DNM3: variants seen among roughly 807,000 people sequenced by gnomAD.
The protein encoded by DNM3 is dynamin 3, also known as dynamin-3.
Under a neutral mutation model 101.6 loss-of-function variants are expected in DNM3, and 47 were observed. The observed-to-expected ratio is 0.46, with a 90% confidence interval of 0.37 to 0.59. The LOEUF is 0.59. Ranked by LOEUF, DNM3 falls within the 20% of genes least tolerant of loss-of-function variation. DNM3 has a pLI of 0.00. For synonymous variants in DNM3, 385 were observed against 387.9 expected (o/e 0.99, Z 0.09); for missense variants, 849 against 1,085.7 (o/e 0.78, Z 3.06).
chr1:172,079,210 T>C (rs2052930361), intron 11 of DNM3, among the ~76,000 whole-genome samples: 1 of 152,184 alleles, frequency 6.6e-6, no homozygotes, highest in East Asian at 1.9e-4. Flanking sequence ...TCCTGAAGAG[T>C]GTTTTCCAAC....
intron 17 of DNM3, among the ~76,000 whole-genome samples, chr1:172,369,352 C>A (rs1023165274): frequency 6.6e-6 from 1 of 151,802 alleles, no homozygotes; most frequent in East Asian, 1.9e-4. Context: ...TATATCACAT[C>A]AACAGAATGA....
intron 17 of DNM3, among the ~76,000 whole-genome samples, chr1:172,356,807 T>C (rs1214861661): frequency 6.6e-6 from 1 of 151,944 alleles, no homozygotes; most frequent in Admixed American, 6.6e-5. Flanking sequence ...TTATACTATC[T>C]CTCAATAAAT....
intron 12 of DNM3, among the ~76,000 whole-genome samples, chr1:172,085,974 A>T (rs1393043321): frequency 1.3e-5 from 2 of 152,186 alleles, no homozygotes; most frequent in Non-Finnish European, 2.9e-5. Context: ...TAGGAATTAA[A>T]TGCTTGGTTG....
intron 10 of DNM3, among the ~76,000 whole-genome samples, chr1:172,059,444 C>G (rs1177835948): frequency 1.8e-5 from 2 of 114,178 alleles, no homozygotes; most frequent in East Asian, 2.8e-4. Context: ...CAAAAATCCT[C>G]AATAAAATAC....
At chr1:172,340,724 G>A (rs2066647671) in intron 17 of DNM3, among the ~76,000 whole-genome samples, 1 of 152,094 alleles carries the variant, frequency 6.6e-6, no homozygotes, top group South Asian at 2.1e-4. Context: ...TAGACTATGG[G>A]GTTTTCAGAA....
At chr1:171,904,739 G>A (rs148640441) in intron 1 of DNM3, among the ~76,000 whole-genome samples, 4 of 152,214 alleles carry the variant, frequency 2.6e-5, no homozygotes, top group African/African-American at 9.6e-5. Context: ...ATGGCTATGT[G>A]GGTGTTGGGG....
At chr1:172,317,517 G>C (rs1357835686) in intron 16 of DNM3, among the ~76,000 whole-genome samples, 1 of 152,076 alleles carries the variant, frequency 6.6e-6, no homozygotes, top group Non-Finnish European at 1.5e-5. Flanking sequence ...AAAAAAGAGA[G>C]AAGAATCAAA....
At chr1:172,145,837 A>C (rs1322269697) in intron 14 of DNM3, among the ~76,000 whole-genome samples, 1 of 152,168 alleles carries the variant, frequency 6.6e-6, no homozygotes, top group African/African-American at 2.4e-5. Flanking sequence ...ATCTCTGGTT[A>C]ACTAAATCTG....
At chr1:172,267,034 G>A (rs959889594) in intron 15 of DNM3, among the ~76,000 whole-genome samples, 10 of 152,168 alleles carry the variant, frequency 6.6e-5, no homozygotes, top group Non-Finnish European at 1.3e-4. Flanking sequence ...AGTGTTACTA[G>A]GGGGATCACC....
intron 14 of DNM3, among the ~76,000 whole-genome samples, chr1:172,161,964 G>A (rs949579254): frequency 1.3e-5 from 2 of 151,932 alleles, no homozygotes; most frequent in African/African-American, 4.8e-5. Flanking sequence ...TGGCTGTCTC[G>A]TTTTCTAAAA....
chr1:172,120,782 T>A (rs1240414815), intron 13 of DNM3, among the ~76,000 whole-genome samples: 1 of 152,236 alleles, frequency 6.6e-6, no homozygotes, highest in Non-Finnish European at 1.5e-5. Context: ...TACATTTATC[T>A]GTGTGAGACT....
chr1:172,133,027 GC>G, intron 14 of DNM3: 1 of 1,503,996 alleles, frequency 6.6e-7, no homozygotes, highest in Non-Finnish European at 8.9e-7. Context: ...TCCCAGAGAT[GC>G]CTGGAGTTGT....
At position 172,362,394 on chromosome 1, in the gene DNM3, G is replaced by C; in HGVS notation, c.1894-16624G>C. Reference sequence around the variant, plus strand: ...GGCAAAAGGGCATTCAGATTCAAAGGGGCAACATGGCTAAAGGCACCAGGT... The same window carrying C: ...GGCAAAAGGGCATTCAGATTCAAAGCGGCAACATGGCTAAAGGCACCAGGT... On this transcript the variant is annotated intron_variant, in intron 17 of 20. Coordinates refer to ENST00000627582, the MANE Select transcript of DNM3 (RefSeq NM_015569.5). Among the ~76,000 whole-genome samples the C allele has an allele frequency of 1.3e-5, 2 of 152,006 alleles. 1 individual carries two copies. Among genetic ancestry groups the C allele is most frequent in the Middle Eastern group, 6.8e-3 (2 of 294 alleles).
At chr1:171,880,427 G>A (rs2036164560) in intron 1 of DNM3, among the ~76,000 whole-genome samples, 1 of 152,080 alleles carries the variant, frequency 6.6e-6, no homozygotes. Flanking sequence ...TTGAAATTAA[G>A]CTTTTTTCCA....
intron 13 of DNM3, among the ~76,000 whole-genome samples, chr1:172,113,620 C>CAAAAAAAAAAAAAAAA (rs34129992): frequency 1.9e-5 from 1 of 52,356 alleles, no homozygotes; most frequent in African/African-American, 6.3e-5. Context: ...AACTCTGTCT[C>CAAAAAAAAAAAAAAAA]AAAAAAAAAA....
chr1:172,241,160 C>G (rs1209261263), intron 14 of DNM3, among the ~76,000 whole-genome samples: 1 of 151,824 alleles, frequency 6.6e-6, no homozygotes, highest in Non-Finnish European at 1.5e-5. Context: ...CAAATGCCAT[C>G]TCTCTCACTC....
chr1:171,859,797 C>T (rs2033986613), intron 1 of DNM3, among the ~76,000 whole-genome samples: 1 of 152,074 alleles, frequency 6.6e-6, no homozygotes, highest in East Asian at 1.9e-4. Context: ...GTCAGGGAAG[C>T]CAGTCTGATC....
chr1:171,918,012 G>C (rs564789375), intron 1 of DNM3, among the ~76,000 whole-genome samples: 63 of 152,274 alleles, frequency 4.1e-4, no homozygotes, highest in African/African-American at 1.5e-3. Flanking sequence ...GCTCCCTGTT[G>C]CTGAAGGCAG....
chr1:172,382,556 C>T (rs901248478), intron 18 of DNM3, among the ~76,000 whole-genome samples: 1 of 152,092 alleles, frequency 6.6e-6, no homozygotes, highest in Non-Finnish European at 1.5e-5. Context: ...GACTGAAATC[C>T]AAGTCTTCTC....
Sources: allele counts gnomAD v4.1 joint callset (sites outside exome capture counted in the v4.1 genomes callset), GRCh38; gene constraint gnomAD v4.1.1; transcripts MANE v1.5; gene names NCBI Gene and HGNC (gene_info 2026-07-23, HGNC 2026-07-21).